Variants in GTF3C2 observed in about 807,000 individuals in gnomAD.
The protein encoded by GTF3C2 is general transcription factor IIIC subunit 2.
GTF3C2 carries 17 observed loss-of-function variants against 117.4 expected under a neutral mutation model. The observed-to-expected ratio is 0.14, with a 90% CI of 0.10 to 0.22. The LOEUF is 0.22. Ranked by LOEUF, GTF3C2 falls within the 10% of genes least tolerant of loss-of-function variation. GTF3C2 has a pLI of 1.00. For synonymous variants in GTF3C2, 437 were observed against 427.0 expected, an observed-to-expected ratio of 1.02 and a Z score of -0.29; for missense variants, 888 against 1,143.6, an observed-to-expected ratio of 0.78 and a Z score of 3.22.
intron 10 of GTF3C2, chr2:27,335,286 A>G (rs755563635): frequency 5.7e-6 from 3 of 528,226 alleles, no homozygotes; most frequent in South Asian, 4.6e-5. Context: ...GGCCCTATCT[A>G]TCAGCCCAAG....
chr2:27,340,691 G>C (rs1432033705), intron 4 of GTF3C2: 1 of 151,598 alleles, frequency 6.6e-6, no homozygotes, highest in Admixed American at 6.6e-5. Flanking sequence ...TGCAATCTCA[G>C]CTCACTGCAA....
Position 27,328,461 on chromosome 2 carries a change from T to C in GTF3C2, c.2256+7A>G, listed in dbSNP as rs1680164901. The C allele has an allele frequency of 6.2e-7, 1 of 1,614,042 alleles. No homozygotes were observed. Among genetic ancestry groups the C allele is most frequent in the East Asian group, 2.2e-5 (1 of 44,882 alleles). On this transcript the variant is annotated splice_region_variant and intron_variant, in intron 16 of 18. Coordinates refer to ENST00000264720, the Ensembl canonical transcript of GTF3C2. ...CAACAGCTGCTGTTAGATGTTCGTA[T>C]ACGTACAAATCTTCGCTCTACAGGT...
chr2:27,333,662 A>G, exon 12 of GTF3C2: 1 of 1,607,796 alleles, frequency 6.2e-7, no homozygotes. Context: ...TACCATTATA[A>G]TATCCAGCAG....
intron 1 of GTF3C2, chr2:27,356,141 C>G: frequency 7.8e-7 from 1 of 1,276,688 alleles, no homozygotes; most frequent in Non-Finnish European, 1.0e-6. Flanking sequence ...AAGTCGCCAC[C>G]TCTGACTTCC....
chr2:27,337,509 C>T (rs553523895), exon 6 of GTF3C2: 1 of 1,612,500 alleles, frequency 6.2e-7, no homozygotes, highest in South Asian at 1.1e-5. Flanking sequence ...CACTTCCAGG[C>T]TAAAGGAATC....
chr2:27,327,946 CTT>C lies in GTF3C2; in HGVS notation c.2409+89_2409+90del, dbSNP rs1680142874. 5.5e-6 allele frequency: 6 copies of C among 1,099,150 alleles called. No individual in the cohort carries two copies. In the Admixed American group the frequency reaches 1.5e-4, roughly 28 times the overall value. 68.1% of individuals were successfully genotyped at this position (1,099,150 alleles called of 1,614,324 possible). A position where few individuals can be genotyped will look rare whatever the true frequency, so the allele number is the denominator to read the frequency against. On this transcript the variant is annotated intron_variant, in intron 17 of 18. Transcript: ENST00000264720. ...TGGCCGAGGCTCCTTAGTTTTACAT[CTT>C]TGTGCTGAACTCAGGCTTGCGTACT... is the stretch of plus-strand genomic sequence containing the variant.
chr2:27,326,197 G>A (rs746292008), exon 19 of GTF3C2: 18 of 471,692 alleles, frequency 3.8e-5, no homozygotes, highest in Non-Finnish European at 6.6e-5. Context: ...TATCACCCTC[G>A]TGGGCATACA....
exon 15 of GTF3C2, chr2:27,328,861 G>T: frequency 6.2e-7 from 1 of 1,612,474 alleles, no homozygotes; most frequent in South Asian, 1.1e-5. Flanking sequence ...GTGCCTTTTC[G>T]AGGAGCAGTG....
chr2:27,351,389 G>A (rs1681132152), intron 1 of GTF3C2, among the ~76,000 whole-genome samples: 2 of 152,142 alleles, frequency 1.3e-5, no homozygotes, highest in Non-Finnish European at 1.5e-5. Flanking sequence ...ACTCCAGCCT[G>A]GGTGACAGAG....
rs945346662 is a variant in GTF3C2 at position 27,335,589 on chromosome 2, G to C, written c.1576+9C>G. The stretch of plus-strand genomic sequence containing the variant: ...ACAGCAGCCCCATTCTCCTTGCTGT[G>C]CTACTCACCTGGGGGTTGCTGAGCC... On this transcript the variant is annotated intron_variant, in intron 10 of 18. Coordinates refer to ENST00000264720, the Ensembl canonical transcript of GTF3C2. 2 of 1,448,764 alleles carry C rather than the reference G, an allele frequency of 1.4e-6. No individual in the cohort carries two copies. Among genetic ancestry groups the C allele is most frequent in the African/African-American group, 2.8e-5 (2 of 71,044 alleles). The allele number at this position is 1,448,764 out of a possible 1,614,324, so 89.7% of individuals were successfully genotyped here.
chr2:27,336,217 T>C, exon 8 of GTF3C2: 2 of 1,613,558 alleles, frequency 1.2e-6, no homozygotes, highest in Non-Finnish European at 1.7e-6. Flanking sequence ...TGCTGCAAGG[T>C]CCCAAGGCCC....
At chr2:27,326,300 T>G in exon 19 of GTF3C2, 1 of 471,166 alleles carries the variant, frequency 2.1e-6, no homozygotes, top group Non-Finnish European at 4.3e-6. Flanking sequence ...CCCTTTTCAG[T>G]TCTCCATACA....
intron 1 of GTF3C2, among the ~76,000 whole-genome samples, chr2:27,347,347 T>C (rs1316587310): frequency 2.0e-5 from 3 of 152,204 alleles, no homozygotes; most frequent in African/African-American, 7.2e-5. Flanking sequence ...ACTGTCTCAC[T>C]TGAAGAAGCT....
chr2:27,341,731 C>G, intron 4 of GTF3C2: 1 of 558,898 alleles, frequency 1.8e-6, no homozygotes, highest in Non-Finnish European at 3.2e-6. Flanking sequence ...TAACAGAGAA[C>G]AGATACTCAA....
chr2:27,343,929 T>C (rs1440232354), intron 1 of GTF3C2, among the ~76,000 whole-genome samples: 1 of 151,118 alleles, frequency 6.6e-6, no homozygotes, highest in African/African-American at 2.4e-5. Context: ...AGGAAACTGG[T>C]GATATGACAA....
chr2:27,344,271 G>A (rs1466507766), intron 1 of GTF3C2, among the ~76,000 whole-genome samples: 2 of 152,048 alleles, frequency 1.3e-5, no homozygotes, highest in Admixed American at 6.6e-5. Context: ...TGATCCACCC[G>A]CCTCAACCTC....
exon 3 of GTF3C2, chr2:27,342,856 C>G (rs1446564500): frequency 6.2e-7 from 1 of 1,614,068 alleles, no homozygotes. Context: ...GGGTCGTTCC[C>G]CAGAAGGGGT....
exon 19 of GTF3C2, chr2:27,326,402 G>A (rs961827979): frequency 9.5e-5 from 53 of 556,138 alleles, no homozygotes; most frequent in Non-Finnish European, 1.5e-4. Context: ...TGACTCCCAA[G>A]CCTAGGTCAG....
intron 15 of GTF3C2, 116 bp downstream of exon 15, chr2:27,328,728 A>G (rs1680177884): frequency 2.9e-6 from 3 of 1,041,626 alleles, no homozygotes; most frequent in South Asian, 2.8e-5. Context: ...CTGATGATAG[A>G]GTTACAACAT....
Sources: allele counts gnomAD v4.1 joint callset (sites outside exome capture counted in the v4.1 genomes callset), GRCh38; gene constraint gnomAD v4.1.1; transcripts MANE v1.5; gene names NCBI Gene and HGNC (gene_info 2026-07-23, HGNC 2026-07-21).